Variants in ERO1B observed in about 807,000 individuals in gnomAD.
ERO1B encodes the protein endoplasmic reticulum oxidoreductase 1 beta, also known as ERO1-like protein beta.
Under a neutral mutation model 75.3 loss-of-function variants are expected in ERO1B, and 49 were observed. The observed-to-expected ratio is 0.65, with a 90% CI of 0.52 to 0.83. ERO1B has a LOEUF of 0.83. Ranked by LOEUF, ERO1B falls within the 40% of genes least tolerant of loss-of-function variation. ERO1B has a pLI of 0.00. For synonymous variants in ERO1B, 191 were observed against 192.9 expected (o/e 0.99, Z 0.08); for missense variants, 512 against 560.1 (o/e 0.91, Z 0.87).
chr1:236,243,522 A>G lies in ERO1B; in HGVS notation c.432-27T>C, dbSNP rs764942852. ...TATGGGAAGGAGGAATAAAAAAGAA[A>G]AATTATTAAATTTGGAGCTGAAACT... On this transcript the variant is annotated intron_variant, in intron 5 of 15. Transcript: ENST00000354619. 8 of 1,495,300 alleles carry G rather than the reference A, an allele frequency of 5.4e-6. No homozygotes were observed. In the East Asian group the frequency reaches 1.8e-4, roughly 34 times the overall value. The allele number at this position is 1,495,300 out of a possible 1,614,324, so 92.6% of individuals were successfully genotyped here.
chr1:236,270,554 C>T (rs111501598), intron 1 of ERO1B, among the ~76,000 whole-genome samples: 5 of 152,100 alleles, frequency 3.3e-5, no homozygotes, highest in African/African-American at 1.2e-4. Flanking sequence ...ATCTATCAGA[C>T]TTTAAAATCA....
intron 1 of ERO1B, among the ~76,000 whole-genome samples, chr1:236,271,838 GTTCT>G (rs1337876881): frequency 1.3e-5 from 2 of 151,568 alleles, no homozygotes; most frequent in African/African-American, 2.4e-5. Flanking sequence ...GAGTTTTTTT[GTTCT>G]TTCTTATAAA....
At chr1:236,235,904 T>A (rs1047768016) in intron 7 of ERO1B, 69 bp from the exon 8 acceptor site, 2 of 1,346,960 alleles carry the variant, frequency 1.5e-6, no homozygotes, top group Admixed American at 2.1e-5. Context: ...TTTATTCCAA[T>A]AGAAACAAAT....
At chr1:236,246,771 C>T (rs927168726) in intron 5 of ERO1B, among the ~76,000 whole-genome samples, 1 of 152,136 alleles carries the variant, frequency 6.6e-6, no homozygotes, top group Non-Finnish European at 1.5e-5. Context: ...GTAATCTGGA[C>T]AGCAAGTATA....
intron 1 of ERO1B, 200 bp downstream of exon 1, chr1:236,281,482 C>T (rs993209619): frequency 5.1e-6 from 2 of 395,570 alleles, no homozygotes; most frequent in East Asian, 7.2e-5. Context: ...GTGTCGCCGT[C>T]CCCCCACCCT....
intron 3 of ERO1B, among the ~76,000 whole-genome samples, chr1:236,252,788 C>A (rs1665063958): frequency 6.6e-6 from 1 of 152,014 alleles, no homozygotes; most frequent in African/African-American, 2.4e-5. Context: ...GACATTGGTA[C>A]AGATTTTTAA....
intron 1 of ERO1B, among the ~76,000 whole-genome samples, chr1:236,277,900 T>A (rs886656614): frequency 6.6e-6 from 1 of 152,208 alleles, no homozygotes; most frequent in Non-Finnish European, 1.5e-5. Flanking sequence ...CTTTAAAATC[T>A]TTTTTCCCTT....
Position 236,270,002 on chromosome 1 carries a change from T to C in ERO1B, c.103-8A>G. On this transcript the variant is annotated splice_polypyrimidine_tract_variant and splice_region_variant and intron_variant, in intron 1 of 15. Transcript: ENST00000354619. Reference sequence around the variant, plus strand: ...ATCCAGAACTCCAGTGACCTAGAATTTATATAATTTAAAATATGTAAACTA... The same window carrying C: ...ATCCAGAACTCCAGTGACCTAGAATCTATATAATTTAAAATATGTAAACTA... 6.4e-7 allele frequency: 1 copy of C among 1,558,278 alleles called. No homozygotes were observed. The highest frequency in any genetic ancestry group is 1.2e-5 in the South Asian group (1 of 84,374).
At chr1:236,254,996 C>T (rs1665127633) in intron 2 of ERO1B, among the ~76,000 whole-genome samples, 1 of 151,938 alleles carries the variant, frequency 6.6e-6, no homozygotes, top group Admixed American at 6.6e-5. Context: ...GAACCTGGCT[C>T]ACTGCAGCCT....
chr1:236,252,556 A>C (rs1370065080), intron 3 of ERO1B, among the ~76,000 whole-genome samples: 1 of 152,208 alleles, frequency 6.6e-6, no homozygotes, highest in African/African-American at 2.4e-5. Context: ...CGATTAACCT[A>C]GAGTTTACCA....
intron 2 of ERO1B, among the ~76,000 whole-genome samples, chr1:236,268,817 T>C (rs1365036039): frequency 2.0e-5 from 3 of 151,174 alleles, no homozygotes; most frequent in Non-Finnish European, 3.0e-5. Context: ...ACCTGGGAAG[T>C]AGAGCTTGCA....
At position 236,270,009 on chromosome 1, in the gene ERO1B, A is replaced by AT. The variant is rs753923684; in HGVS notation, c.103-16dup. On this transcript the variant is annotated splice_polypyrimidine_tract_variant and intron_variant, in intron 1 of 15. Coordinates refer to ENST00000354619, the MANE Select transcript of ERO1B (RefSeq NM_019891.4). Reference sequence around the variant, plus strand: ...ACTCCAGTGACCTAGAATTTATATAATTTAAAATATGTAAACTACTGATGT... The same window carrying AT: ...ACTCCAGTGACCTAGAATTTATATAATTTTAAAATATGTAAACTACTGATGT... 2 of 1,535,690 alleles carry AT rather than the reference A, an allele frequency of 1.3e-6. No homozygotes were observed. Among genetic ancestry groups the AT allele is most frequent in the Non-Finnish European group, 1.8e-6 (2 of 1,126,686 alleles).
intron 2 of ERO1B, among the ~76,000 whole-genome samples, chr1:236,259,825 G>GA (rs35606662): frequency 6.4e-4 from 95 of 148,562 alleles, no homozygotes; most frequent in Admixed American, 2.9e-3. Context: ...CACCTAGACA[G>GA]AAAAAAAAAA....
chr1:236,240,529 A>G (rs891023582), intron 6 of ERO1B, among the ~76,000 whole-genome samples: 1 of 152,198 alleles, frequency 6.6e-6, no homozygotes, highest in Admixed American at 6.5e-5. Flanking sequence ...GCTCTCAAAA[A>G]ATTTTGATAC....
chr1:236,239,360 A>G (rs1664624748), intron 6 of ERO1B, among the ~76,000 whole-genome samples: 1 of 152,136 alleles, frequency 6.6e-6, no homozygotes, highest in Admixed American at 6.5e-5. Context: ...TATGGCAGAG[A>G]TGAGTAATTC....
At chr1:236,242,377 A>G (rs1316831255) in intron 6 of ERO1B, among the ~76,000 whole-genome samples, 1 of 132,678 alleles carries the variant, frequency 7.5e-6, no homozygotes, top group East Asian at 5.1e-4. Flanking sequence ...TGCTTTGATA[A>G]AAGTTTTACC....
chr1:236,271,754 G>T (rs1232886187), intron 1 of ERO1B, among the ~76,000 whole-genome samples: 1 of 151,834 alleles, frequency 6.6e-6, no homozygotes, highest in East Asian at 1.9e-4. Context: ...CTCCCTAAAG[G>T]TAGAAATAAA....
intron 2 of ERO1B, among the ~76,000 whole-genome samples, chr1:236,255,965 TC>T (rs1665149604): frequency 1.3e-5 from 2 of 152,204 alleles, no homozygotes; most frequent in African/African-American, 4.8e-5. Context: ...TGGCAGCTTT[TC>T]CAGCAACTCC....
chr1:236,241,392 A>C (rs1256565909), intron 6 of ERO1B, among the ~76,000 whole-genome samples: 1 of 152,136 alleles, frequency 6.6e-6, no homozygotes. Context: ...AAAAATAAAA[A>C]AAAAAATTAG....
Sources: gnomAD v4.1 joint callset for allele counts (sites outside exome capture counted in the v4.1 genomes callset) on GRCh38, gnomAD v4.1.1 for gene constraint, MANE v1.5 for transcripts, NCBI Gene and HGNC (gene_info 2026-07-23, HGNC 2026-07-21) for gene names.